The following DNER variants were observed in gnomAD, a reference collection of about 807,000 sequenced individuals.
DNER encodes the protein delta/notch like EGF repeat containing.
DNER carries 33 observed loss-of-function variants against 78.2 expected under a neutral mutation model. That is an observed-to-expected ratio of 0.42 (90% CI 0.32 to 0.56). The LOEUF (loss-of-function observed/expected upper bound fraction) is 0.56. Among genes scored for constraint, DNER ranks in the 20% least tolerant of loss-of-function variants. DNER has a pLI of 0.11. For synonymous variants in DNER, 417 were observed against 384.8 expected (o/e 1.08, Z -0.98); for missense variants, 918 against 975.3 (o/e 0.94, Z 0.78).
chr2:229,662,551 G>T (rs898238882), intron 1 of DNER, among the ~76,000 whole-genome samples: 2 of 152,122 alleles, frequency 1.3e-5, no homozygotes, highest in East Asian at 3.8e-4. Context: ...TGGGTCCAAG[G>T]GCCACGCTTT....
chr2:229,477,613 T>C (rs1251333479), intron 6 of DNER, among the ~76,000 whole-genome samples: 1 of 152,222 alleles, frequency 6.6e-6, no homozygotes, highest in Non-Finnish European at 1.5e-5. Flanking sequence ...AGTGTTCAGC[T>C]TGATCTAACT....
intron 1 of DNER, among the ~76,000 whole-genome samples, chr2:229,691,205 A>G (rs926817952): frequency 1.3e-5 from 2 of 152,208 alleles, no homozygotes; most frequent in African/African-American, 4.8e-5. Context: ...GAAATTGAGA[A>G]GAGACAACAG....
chr2:229,438,944 T>G (rs1210986436), intron 8 of DNER, among the ~76,000 whole-genome samples: 2 of 152,262 alleles, frequency 1.3e-5, no homozygotes, highest in African/African-American at 2.4e-5. Flanking sequence ...CTATTTACTC[T>G]GAGCTAACAG....
intron 11 of DNER, among the ~76,000 whole-genome samples, chr2:229,379,197 A>C (rs1157083596): frequency 6.6e-6 from 1 of 152,216 alleles, no homozygotes; most frequent in African/African-American, 2.4e-5. Context: ...CTGAAGGTTA[A>C]TCCTTCCTGG....
intron 4 of DNER, among the ~76,000 whole-genome samples, chr2:229,569,267 A>G (rs145917929): frequency 6.6e-6 from 1 of 152,314 alleles, no homozygotes; most frequent in Non-Finnish European, 1.5e-5. Flanking sequence ...TCAAGCCTGT[A>G]ATCCCACCAC....
At chr2:229,530,322 T>C (rs532370565) in intron 5 of DNER, among the ~76,000 whole-genome samples, 1 of 152,330 alleles carries the variant, frequency 6.6e-6, no homozygotes, top group Non-Finnish European at 1.5e-5. Context: ...ACATAATTAA[T>C]GACCTTTGAA....
intron 12 of DNER, among the ~76,000 whole-genome samples, chr2:229,361,551 T>C (rs1310746541): frequency 6.6e-6 from 1 of 152,172 alleles, no homozygotes; most frequent in Non-Finnish European, 1.5e-5. Flanking sequence ...CAATATGGCC[T>C]GCAAAGTCTA....
At chr2:229,575,441 T>C (rs1185062164) in intron 4 of DNER, among the ~76,000 whole-genome samples, 1 of 152,228 alleles carries the variant, frequency 6.6e-6, no homozygotes, top group East Asian at 1.9e-4. Flanking sequence ...GGGTTGTCCT[T>C]TACTTCTTGA....
chr2:229,449,301 C>T (rs1278851980), intron 7 of DNER, among the ~76,000 whole-genome samples: 3 of 152,164 alleles, frequency 2.0e-5, no homozygotes, highest in Admixed American at 2.0e-4. Context: ...GTTACCGTCA[C>T]TATTTAACAT....
chr2:229,521,364 C>T (rs1696095076), intron 5 of DNER, among the ~76,000 whole-genome samples: 1 of 152,192 alleles, frequency 6.6e-6, no homozygotes, highest in African/African-American at 2.4e-5. Context: ...TGACCATCAC[C>T]CCAAATGCAC....
chr2:229,385,930 G>A (rs190288078), intron 11 of DNER, among the ~76,000 whole-genome samples: 32 of 151,748 alleles, frequency 2.1e-4, no homozygotes, highest in South Asian at 1.5e-3. Context: ...TATCCCCACC[G>A]AGCTACCACT....
chr2:229,410,263 G>A (rs992470980), intron 9 of DNER, among the ~76,000 whole-genome samples: 3 of 152,136 alleles, frequency 2.0e-5, no homozygotes, highest in Non-Finnish European at 2.9e-5. Context: ...TCATTGTCAC[G>A]GAGTTCACTG....
At chr2:229,540,825 A>G (rs956567264) in intron 5 of DNER, among the ~76,000 whole-genome samples, 1 of 152,184 alleles carries the variant, frequency 6.6e-6, no homozygotes, top group Non-Finnish European at 1.5e-5. Flanking sequence ...TCTCAAAACA[A>G]CGTCTCAGTA....
chr2:229,384,598 A>G (rs1692820148), intron 11 of DNER, among the ~76,000 whole-genome samples: 1 of 152,202 alleles, frequency 6.6e-6, no homozygotes, highest in African/African-American at 2.4e-5. Flanking sequence ...GATCTGATAG[A>G]AATACAAACT....
At chr2:229,417,711 T>A (rs907878698) in intron 9 of DNER, among the ~76,000 whole-genome samples, 3 of 151,914 alleles carry the variant, frequency 2.0e-5, no homozygotes, top group African/African-American at 7.3e-5. Flanking sequence ...TCCGCCTGCC[T>A]CCTCCCCAAG....
intron 7 of DNER, among the ~76,000 whole-genome samples, chr2:229,463,897 T>C (rs1368436234): frequency 2.0e-5 from 3 of 152,244 alleles, no homozygotes; most frequent in Non-Finnish European, 2.9e-5. Context: ...TTTTCCTTCC[T>C]GCAAACATTG....
intron 1 of DNER, among the ~76,000 whole-genome samples, chr2:229,707,768 T>C (rs1441567273): frequency 6.6e-6 from 1 of 152,226 alleles, no homozygotes; most frequent in Non-Finnish European, 1.5e-5. Flanking sequence ...GAGGAGTGAT[T>C]CCCTAATAGT....
At chr2:229,632,223 C>T (rs1238223864) in intron 1 of DNER, among the ~76,000 whole-genome samples, 1 of 152,176 alleles carries the variant, frequency 6.6e-6, no homozygotes, top group Admixed American at 6.5e-5. Context: ...TTCCAATATC[C>T]TAAGGATTCT....
At chr2:229,585,799 C>T (rs1697484363) in intron 4 of DNER, 59 bp downstream of exon 4, 1 of 1,600,898 alleles carries the variant, frequency 6.2e-7, no homozygotes, top group Admixed American at 1.7e-5. Flanking sequence ...TGTCTCAACA[C>T]CAAACCAAAG....
Sources: allele counts gnomAD v4.1 joint callset (sites outside exome capture counted in the v4.1 genomes callset), GRCh38; gene constraint gnomAD v4.1.1; transcripts MANE v1.5; gene names NCBI Gene and HGNC (gene_info 2026-07-23, HGNC 2026-07-21).